The following WWOX variants were observed in gnomAD, a reference collection of about 807,000 sequenced individuals.
WWOX encodes the protein WW domain-containing oxidoreductase.
In WWOX, 69 loss-of-function variants were observed where a neutral mutation model predicts 46.2. The observed-to-expected ratio is 1.49, with a 90% CI of 1.23 to 1.82. WWOX has a LOEUF of 1.82. Among genes scored for constraint, WWOX ranks in the 40% most tolerant of loss-of-function variants. WWOX has a pLI of 0.00. For missense variants in WWOX, 919 were observed against 542.6 expected, an observed-to-expected ratio of 1.69 and a Z score of -6.89; for synonymous variants, 359 against 202.6, an observed-to-expected ratio of 1.77 and a Z score of -6.56.
intron 8 of WWOX, among the ~76,000 whole-genome samples, chr16:78,995,111 G>C (rs375552279): frequency 2.6e-5 from 4 of 151,708 alleles, no homozygotes; most frequent in Non-Finnish European, 4.4e-5. Context: ...GATAATAACA[G>C]TTTGTCTTGG....
intron 5 of WWOX, among the ~76,000 whole-genome samples, chr16:78,341,688 C>A (rs1357305855): frequency 8.3e-6 from 1 of 120,086 alleles, no homozygotes; most frequent in East Asian, 1.9e-4. Flanking sequence ...CAAGAGCACA[C>A]AGGTGAGACA....
intron 8 of WWOX, among the ~76,000 whole-genome samples, chr16:78,922,316 T>A (rs571283916): frequency 1.4e-4 from 22 of 152,156 alleles, no homozygotes; most frequent in Admixed American, 2.6e-4. Context: ...CAGAGTATGA[T>A]CAGAGGTGCC....
At chr16:78,962,054 A>G (rs146428252) in intron 8 of WWOX, among the ~76,000 whole-genome samples, 36 of 152,148 alleles carry the variant, frequency 2.4e-4, no homozygotes, top group Non-Finnish European at 4.3e-4. Flanking sequence ...ACTTCTACCT[A>G]TGATCCAGTG....
At chr16:78,261,287 A>ATACC in intron 5 of WWOX, among the ~76,000 whole-genome samples, 1 of 148,130 alleles carries the variant, frequency 6.8e-6, no homozygotes, top group African/African-American at 2.6e-5. Context: ...AGATAGATAC[A>ATACC]TACATACATA....
At chr16:78,352,897 T>C (rs1297283360) in intron 5 of WWOX, among the ~76,000 whole-genome samples, 2 of 152,098 alleles carry the variant, frequency 1.3e-5, no homozygotes, top group Non-Finnish European at 2.9e-5. Context: ...TGGATAGGAG[T>C]ATAGAGAAAA....
intron 4 of WWOX, among the ~76,000 whole-genome samples, chr16:78,151,137 A>C (rs2034391745): frequency 6.6e-6 from 1 of 150,734 alleles, no homozygotes; most frequent in Non-Finnish European, 1.5e-5. Flanking sequence ...TCAGCTTCCC[A>C]ATGTGCTAGG....
At position 78,730,482 on chromosome 16, in the gene WWOX, CAG is replaced by C. The variant is rs373096150; in HGVS notation, c.1056+297733_1056+297734del. ...TTGTTTGTTTGTTTGTTTTTTGAGA[CAG>C]AGTCTTGCTCAGGCTGGAGTGCGAT... On this transcript the variant is annotated intron_variant, in intron 8 of 8. Transcript: ENST00000566780. 2.4e-4 allele frequency among the ~76,000 whole-genome samples: 36 copies of C among 152,136 alleles called. No homozygotes were observed. In the East Asian group the frequency reaches 5.6e-3, roughly 24 times the overall value.
At chr16:78,212,559 G>A (rs1449925911) in intron 5 of WWOX, among the ~76,000 whole-genome samples, 1 of 152,192 alleles carries the variant, frequency 6.6e-6, no homozygotes, top group Non-Finnish European at 1.5e-5. Context: ...TGAAATGTGG[G>A]TGAGTTCACC....
At chr16:79,089,480 C>T (rs577306198) in intron 8 of WWOX, among the ~76,000 whole-genome samples, 3 of 151,996 alleles carry the variant, frequency 2.0e-5, no homozygotes, top group Admixed American at 6.5e-5. Context: ...TACAGGCACA[C>T]GCCACCACGC....
At chr16:79,099,690 C>T (rs2049152766) in intron 8 of WWOX, among the ~76,000 whole-genome samples, 1 of 152,018 alleles carries the variant, frequency 6.6e-6, no homozygotes, top group Non-Finnish European at 1.5e-5. Flanking sequence ...GCACCAAATA[C>T]ATGGGTATGG....
chr16:78,760,550 C>T (rs560539134), intron 8 of WWOX, among the ~76,000 whole-genome samples: 8 of 152,202 alleles, frequency 5.3e-5, no homozygotes, highest in Non-Finnish European at 7.3e-5. Context: ...CCCAATCACA[C>T]AGTCAGGAGA....
intron 8 of WWOX, among the ~76,000 whole-genome samples, chr16:79,036,809 A>T (rs886536549): frequency 6.6e-6 from 1 of 152,168 alleles, no homozygotes; most frequent in Admixed American, 6.6e-5. Context: ...TTCAGAAGAG[A>T]TGAACTGTGC....
intron 8 of WWOX, among the ~76,000 whole-genome samples, chr16:78,837,349 C>T (rs940770405): frequency 6.6e-6 from 1 of 152,206 alleles, no homozygotes; most frequent in African/African-American, 2.4e-5. Context: ...CCCTAACCCT[C>T]ACCCAGCAAC....
intron 8 of WWOX, among the ~76,000 whole-genome samples, chr16:79,197,250 A>G (rs968585956): frequency 2.0e-5 from 3 of 152,108 alleles, no homozygotes; most frequent in African/African-American, 7.2e-5. Flanking sequence ...TGAGGTCCTG[A>G]TCTGTTTTAT....
chr16:78,694,148 G>C (rs1410297219), intron 8 of WWOX, among the ~76,000 whole-genome samples: 1 of 152,108 alleles, frequency 6.6e-6, no homozygotes, highest in Non-Finnish European at 1.5e-5. Context: ...AGGAGGCAGA[G>C]GTTGCGGTGA....
chr16:78,974,195 G>C (rs940450788), intron 8 of WWOX, among the ~76,000 whole-genome samples: 5 of 152,236 alleles, frequency 3.3e-5, no homozygotes, highest in African/African-American at 9.6e-5. Context: ...GGAGGGAAAA[G>C]AAGGCAAGCG....
At chr16:79,118,713 C>G (rs2049568061) in intron 8 of WWOX, among the ~76,000 whole-genome samples, 1 of 152,216 alleles carries the variant, frequency 6.6e-6, no homozygotes, top group Non-Finnish European at 1.5e-5. Flanking sequence ...TAACCCATGC[C>G]TGCCTTCCAG....
chr16:78,984,660 C>T (rs1237938319), intron 8 of WWOX, among the ~76,000 whole-genome samples: 1 of 152,238 alleles, frequency 6.6e-6, no homozygotes, highest in African/African-American at 2.4e-5. Context: ...GAACAACATA[C>T]AAACTGACCC....
At chr16:78,227,710 C>G (rs963386534) in intron 5 of WWOX, among the ~76,000 whole-genome samples, 2 of 152,042 alleles carry the variant, frequency 1.3e-5, no homozygotes, top group Non-Finnish European at 2.9e-5. Context: ...AACCCTGTCT[C>G]TACTAAAAAT....
Sources: gnomAD v4.1 joint callset for allele counts (sites outside exome capture counted in the v4.1 genomes callset) on GRCh38, gnomAD v4.1.1 for gene constraint, MANE v1.5 for transcripts, NCBI Gene and HGNC (gene_info 2026-07-23, HGNC 2026-07-21) for gene names.